Variants in TACC2 observed in about 807,000 individuals in gnomAD.
The protein encoded by TACC2 is transforming acidic coiled-coil containing protein 2, also known as transforming acidic coiled-coil-containing protein 2.
A neutral mutation model predicts 227.3 loss-of-function variants in TACC2; 137 were observed. The observed-to-expected ratio is 0.60, with a 90% CI of 0.52 to 0.69. The LOEUF (loss-of-function observed/expected upper bound fraction) is 0.69, where lower values mean the gene tolerates loss of function less well. Ranked by LOEUF, TACC2 falls within the 30% of genes least tolerant of loss-of-function variation. The probability of loss-of-function intolerance (pLI) is 0.00; values close to 1 mark genes in which losing one functional copy is unlikely to be tolerated. For missense variants in TACC2, 3,470 were observed against 3,694.4 expected, an observed-to-expected ratio of 0.94 and a Z score of 1.57; for synonymous variants, 1,523 against 1,487.5, an observed-to-expected ratio of 1.02 and a Z score of -0.55.
chr10:122,215,499 G>A (rs2095385068), intron 10 of TACC2, 48 bp downstream of exon 10: 2 of 1,493,484 alleles, frequency 1.3e-6, no homozygotes, highest in African/African-American at 2.8e-5. Context: ...CCCCGGGGGA[G>A]GTTTTCTTCG....
intron 7 of TACC2, among the ~76,000 whole-genome samples, chr10:122,155,627 G>T (rs2092410409): frequency 6.6e-6 from 1 of 152,144 alleles, no homozygotes; most frequent in South Asian, 2.1e-4. Flanking sequence ...ATAAGTAGGA[G>T]CCTGAACTTT....
At chr10:122,176,103 C>CTA (rs2093690391) in intron 7 of TACC2, among the ~76,000 whole-genome samples, 2 of 77,870 alleles carry the variant, frequency 2.6e-5, no homozygotes, top group African/African-American at 5.7e-5. Context: ...CTCTCTCTCT[C>CTA]TCTCTCTCTC....
chr10:122,249,090 C>T lies in TACC2; in HGVS notation c.8594C>T (p.Ser2865Phe). 6.2e-7 allele frequency: 1 copy of T among 1,613,372 alleles called. No homozygotes were observed. Among genetic ancestry groups the T allele is most frequent in the Middle Eastern group, 1.7e-4 (1 of 6,060 alleles). The stretch of plus-strand genomic sequence containing the variant: ...AAGAGATGTGCGCAGGAGTACCTGT[C>T]CCGGGTGAAGAAGGAGGAGCAGAGG... ...VLKRCAQEYL[S>F]RVKKEEQRYQ... The change falls in exon 21 of 23, where the codon TCC (serine) becomes TTC (phenylalanine). Residue 2865 changes from serine to phenylalanine, a missense_variant. Physicochemically the swap from Ser to Phe is radical, Grantham distance 155. This residue lies in a region of TACC2 where 89 missense variants were observed against 91.4 expected (regional missense o/e 0.97). Transcript: ENST00000369005.
At chr10:122,146,532 A>G (rs1257146804) in intron 7 of TACC2, among the ~76,000 whole-genome samples, 2 of 151,922 alleles carry the variant, frequency 1.3e-5, no homozygotes, top group East Asian at 3.9e-4. Flanking sequence ...GTGGCTTTAT[A>G]AGAAGAGGAA....
intron 22 of TACC2, 34 bp downstream of exon 22, chr10:122,249,698 C>G (rs537087550): frequency 1.9e-6 from 3 of 1,590,838 alleles, no homozygotes; most frequent in Non-Finnish European, 2.6e-6. Flanking sequence ...CCAGGTGGGC[C>G]GGGCTGCTGC....
intron 1 of TACC2, among the ~76,000 whole-genome samples, chr10:122,001,453 C>G (rs1954324236): frequency 1.3e-5 from 2 of 152,180 alleles, no homozygotes; most frequent in Non-Finnish European, 2.9e-5. Flanking sequence ...CCTCATGATT[C>G]AATTACCTCC....
chr10:122,147,778 C>T (rs1592606247), intron 7 of TACC2, among the ~76,000 whole-genome samples: 1 of 152,144 alleles, frequency 6.6e-6, no homozygotes, highest in Admixed American at 6.5e-5. Context: ...CCAGGCAGTA[C>T]AGTGATACGA....
chr10:122,252,496 C>T (rs73357692), intron 22 of TACC2, among the ~76,000 whole-genome samples: 7,182 of 142,458 alleles, frequency 0.05, 542 homozygotes, highest in African/African-American at 0.17. Flanking sequence ...TTTTTTCTTT[C>T]TTTTTTTTTT....
chr10:122,054,834 G>A (rs1048763143), intron 3 of TACC2, among the ~76,000 whole-genome samples: 1 of 152,146 alleles, frequency 6.6e-6, no homozygotes, highest in Non-Finnish European at 1.5e-5. Flanking sequence ...CCCAAACAAG[G>A]CTTTGTGAGG....
At chr10:122,229,621 C>G in intron 15 of TACC2, 135 bp downstream of exon 15, 1 of 994,304 alleles carries the variant, frequency 1.0e-6, no homozygotes, top group Non-Finnish European at 1.5e-6. Context: ...ATCTTCCCCT[C>G]AAAGGATGGT....
intron 7 of TACC2, among the ~76,000 whole-genome samples, chr10:122,192,196 T>C (rs2094432643): frequency 1.3e-5 from 2 of 152,116 alleles, no homozygotes; most frequent in African/African-American, 4.8e-5. Context: ...GATGCAGAGA[T>C]CGTTCATAGT....
chr10:122,105,663 C>T (rs2137779981), intron 5 of TACC2, among the ~76,000 whole-genome samples: 1 of 150,912 alleles, frequency 6.6e-6, no homozygotes, highest in Non-Finnish European at 1.5e-5. Context: ...TCTTCTCACC[C>T]AGGCTGGAGT....
chr10:122,237,461 G>A lies in TACC2; in HGVS notation c.8194G>A (p.Ala2732Thr), dbSNP rs2295879. Residue 2732 changes from alanine (A) to threonine (T), a missense_variant, in exon 17 of 23, where the codon GCT (alanine) becomes ACT (threonine). Physicochemically the swap from Ala to Thr is moderately conservative, Grantham distance 58. Transcript: ENST00000369005. ...KTALYSRIGT[A>T]EVEKPAGLLF... Reference sequence around the variant, plus strand: ...AGCCTTGTACTCCCGCATCGGGACCGCTGAGGTGGAGAAACCTGCAGGCCT... The same window carrying A: ...AGCCTTGTACTCCCGCATCGGGACCACTGAGGTGGAGAAACCTGCAGGCCT... 495,755 of 1,613,346 alleles carry A rather than the reference G, an allele frequency of 0.31. 78,327 individuals carry two copies. The highest frequency in any genetic ancestry group is 0.39 in the South Asian group (35,779 of 90,968).
chr10:122,065,983 C>T (rs544139376), intron 3 of TACC2, among the ~76,000 whole-genome samples: 2 of 152,246 alleles, frequency 1.3e-5, no homozygotes, highest in South Asian at 4.1e-4. Context: ...AGTACATCTT[C>T]CCCTTCTTCC....
At chr10:122,198,258 G>C (rs1364062234) in intron 8 of TACC2, among the ~76,000 whole-genome samples, 1 of 152,160 alleles carries the variant, frequency 6.6e-6, no homozygotes, top group African/African-American at 2.4e-5. Context: ...CAGAAGATGG[G>C]GCAAAGGATT....
intron 6 of TACC2, among the ~76,000 whole-genome samples, chr10:122,134,275 G>A (rs1013829433): frequency 5.3e-5 from 8 of 151,564 alleles, no homozygotes; most frequent in Admixed American, 4.6e-4. Context: ...GGGTTCAAGC[G>A]ATTCTCCTGC....
intron 7 of TACC2, among the ~76,000 whole-genome samples, chr10:122,176,097 CTCTCTCTCTCTCTCTCTCTCTA>C (rs1436940672): frequency 1.3e-4 from 11 of 87,470 alleles, no homozygotes; most frequent in South Asian, 7.3e-4. Context: ...CTCTCTCTCT[CTCTCTCTCTCTCTCTCTCTCTA>C]TATATATATA....
chr10:122,091,622 T>G (rs1292832087), intron 5 of TACC2, among the ~76,000 whole-genome samples: 2 of 152,158 alleles, frequency 1.3e-5, no homozygotes, highest in Non-Finnish European at 2.9e-5. Flanking sequence ...CCTGGCAGGT[T>G]GGGAATGCTT....
At chr10:122,232,210 C>G (rs1213836065) in intron 16 of TACC2, among the ~76,000 whole-genome samples, 2 of 152,210 alleles carry the variant, frequency 1.3e-5, no homozygotes, top group African/African-American at 4.8e-5. Flanking sequence ...TTTCCCCCCA[C>G]TAGATTTATT....
Sources: gnomAD v4.1 joint callset for allele counts (sites outside exome capture counted in the v4.1 genomes callset) on GRCh38, gnomAD v4.1.1 for gene constraint, gnomAD v4.1.1 regional missense constraint, MANE v1.5 for transcripts, NCBI Gene and HGNC (gene_info 2026-07-23, HGNC 2026-07-21) for gene names.